Variants in LINGO2 observed in about 807,000 individuals in gnomAD.
LINGO2 encodes leucine-rich repeat and immunoglobulin-like domain-containing nogo receptor-interacting protein 2.
A neutral mutation model predicts 30.6 loss-of-function variants in LINGO2; 14 were observed. The ratio of observed to expected loss-of-function variants is 0.46; its 90% CI spans 0.30 to 0.72. The LOEUF (loss-of-function observed/expected upper bound fraction) is 0.72. LINGO2 is among the 30% of genes least tolerant of loss of function. The pLI is 0.07. For missense variants in LINGO2, 729 were observed against 751.7 expected (o/e 0.97, Z 0.35); for synonymous variants, 317 against 288.5 (o/e 1.10, Z -1.00).
chr9:28,927,242 T>C, the LINGO2 span, among the ~76,000 whole-genome samples: 1 of 152,208 alleles, frequency 6.6e-6, no homozygotes, highest in Non-Finnish European at 1.5e-5. Context: ...GCACTTAAGA[T>C]AGATCTGAAT....
intron 1 of LINGO2, among the ~76,000 whole-genome samples, chr9:28,484,453 A>T (rs912155756): frequency 2.6e-5 from 4 of 152,086 alleles, no homozygotes; most frequent in Non-Finnish European, 5.9e-5. Context: ...CAAGTAATTG[A>T]AGGAAGTTAT....
the LINGO2 span, among the ~76,000 whole-genome samples, chr9:28,947,910 A>G: frequency 6.6e-6 from 1 of 152,002 alleles, no homozygotes; most frequent in Non-Finnish European, 1.5e-5. Flanking sequence ...TCTCCAGTGG[A>G]TTTCCTAGAT....
chr9:28,547,524 T>G (rs1822013502), intron 1 of LINGO2, among the ~76,000 whole-genome samples: 1 of 152,040 alleles, frequency 6.6e-6, no homozygotes, highest in Non-Finnish European at 1.5e-5. Flanking sequence ...ATAAAACAAC[T>G]TTAGTTCTTT....
Position 28,325,244 on chromosome 9 carries a change from C to T in LINGO2, c.-245-29878G>A, listed in dbSNP as rs76702135. 0.015 allele frequency among the ~76,000 whole-genome samples: 2,277 copies of T among 152,166 alleles called. 132 individuals carry two copies. In the East Asian group the frequency reaches 0.18, roughly 12 times the overall value. ...AAACTTGCAATTATAAATAATTTATCCTCCCCTTTAAGACATAAATTTTGT... is the reference window on the plus strand; with the variant it reads ...AAACTTGCAATTATAAATAATTTATTCTCCCCTTTAAGACATAAATTTTGT... On this transcript the variant is annotated intron_variant, in intron 3 of 5. Transcript: ENST00000379992.
At chr9:28,893,995 T>C in the LINGO2 span, among the ~76,000 whole-genome samples, 1 of 150,154 alleles carries the variant, frequency 6.7e-6, no homozygotes, top group African/African-American at 2.4e-5. Context: ...AGTGAGAACA[T>C]GCAGCATTTG....
At chr9:28,035,109 T>C (rs1461033079) in intron 4 of LINGO2, among the ~76,000 whole-genome samples, 1 of 152,228 alleles carries the variant, frequency 6.6e-6, no homozygotes, top group Non-Finnish European at 1.5e-5. Flanking sequence ...ATGCATTAGC[T>C]TGCAGCACCT....
chr9:28,013,405 T>A (rs1022934201), intron 4 of LINGO2, among the ~76,000 whole-genome samples: 17 of 152,230 alleles, frequency 1.1e-4, no homozygotes, highest in African/African-American at 4.1e-4. Context: ...TTATCTGCTG[T>A]ACTCAGGGAA....
the LINGO2 span, among the ~76,000 whole-genome samples, chr9:29,007,859 G>T: frequency 6.6e-6 from 1 of 151,986 alleles, no homozygotes; most frequent in Admixed American, 6.6e-5. Flanking sequence ...AAGAGTTAAG[G>T]GCTGAAGATA....
At chr9:28,893,979 T>C in the LINGO2 span, among the ~76,000 whole-genome samples, 1 of 148,770 alleles carries the variant, frequency 6.7e-6, no homozygotes, top group East Asian at 2.1e-4. Flanking sequence ...TCAATTCCCA[T>C]CTATGAGTGA....
chr9:28,353,067 A>G (rs1452579537), intron 3 of LINGO2, among the ~76,000 whole-genome samples: 6 of 150,474 alleles, frequency 4.0e-5, no homozygotes, highest in Admixed American at 6.6e-5. Flanking sequence ...AAACCTAGGC[A>G]TTACCATTCA....
the LINGO2 span, among the ~76,000 whole-genome samples, chr9:29,008,721 T>A: frequency 6.6e-6 from 1 of 152,146 alleles, no homozygotes; most frequent in Non-Finnish European, 1.5e-5. Context: ...TGCACAAATG[T>A]CTTCTTTTGA....
At chr9:28,657,604 C>T (rs1828407624) in intron 1 of LINGO2, among the ~76,000 whole-genome samples, 1 of 151,862 alleles carries the variant, frequency 6.6e-6, no homozygotes, top group African/African-American at 2.4e-5. Context: ...GTAATATTCC[C>T]TCTTTTATTT....
chr9:28,383,896 G>A (rs1431760994), intron 2 of LINGO2, among the ~76,000 whole-genome samples: 1 of 151,912 alleles, frequency 6.6e-6, no homozygotes, highest in East Asian at 1.9e-4. Context: ...GGTTTGCATA[G>A]AATCCCTGTG....
At chr9:28,133,939 A>G (rs965618067) in intron 4 of LINGO2, among the ~76,000 whole-genome samples, 2 of 152,202 alleles carry the variant, frequency 1.3e-5, no homozygotes, top group African/African-American at 4.8e-5. Context: ...AATATTATCC[A>G]ATATCTAACA....
chr9:28,097,479 T>A (rs551107909), intron 4 of LINGO2, among the ~76,000 whole-genome samples: 3,504 of 145,268 alleles, frequency 0.024, 80 homozygotes, highest in Non-Finnish European at 0.037. Context: ...ATGTGGCACA[T>A]ATACACCATG....
chr9:28,981,418 C>T, the LINGO2 span, among the ~76,000 whole-genome samples: 2 of 152,096 alleles, frequency 1.3e-5, no homozygotes, highest in Non-Finnish European at 2.9e-5. Flanking sequence ...CTTATCTGAA[C>T]AACATTTCCT....
At chr9:28,685,810 T>C in the LINGO2 span, among the ~76,000 whole-genome samples, 6 of 152,176 alleles carry the variant, frequency 3.9e-5, no homozygotes, top group Admixed American at 3.9e-4. Flanking sequence ...TGTGCAGGTA[T>C]GTGAGTCTAG....
intron 1 of LINGO2, among the ~76,000 whole-genome samples, chr9:28,633,087 A>C (rs1166102915): frequency 6.6e-6 from 1 of 151,670 alleles, no homozygotes; most frequent in Non-Finnish European, 1.5e-5. Context: ...GTAGACTAGG[A>C]GGCTAGGCCC....
intron 4 of LINGO2, among the ~76,000 whole-genome samples, chr9:28,140,719 T>C (rs541576137): frequency 3.5e-4 from 54 of 152,306 alleles, no homozygotes; most frequent in Non-Finnish European, 6.5e-4. Context: ...TACACTCATT[T>C]TCTGTATCTC....
Sources: gnomAD v4.1 joint callset for allele counts (sites outside exome capture counted in the v4.1 genomes callset) on GRCh38, gnomAD v4.1.1 for gene constraint, MANE v1.5 for transcripts, NCBI Gene and HGNC (gene_info 2026-07-23, HGNC 2026-07-21) for gene names.